The following GFRA1 variants were observed in gnomAD, a reference collection of about 807,000 sequenced individuals.
GFRA1 encodes the protein GDNF family receptor alpha 1.
Under a neutral mutation model 51.6 loss-of-function variants are expected in GFRA1, and 16 were observed. The observed-to-expected ratio is 0.31, with a 90% CI of 0.21 to 0.47. The LOEUF (loss-of-function observed/expected upper bound fraction) is 0.47, where lower values mean the gene tolerates loss of function less well. Among genes scored for constraint, GFRA1 ranks in the 20% least tolerant of loss-of-function variants. GFRA1 has a pLI of 1.00. For synonymous variants in GFRA1, 270 were observed against 241.3 expected, an observed-to-expected ratio of 1.12 and a Z score of -1.10; for missense variants, 530 against 594.3, an observed-to-expected ratio of 0.89 and a Z score of 1.13.
intron 6 of GFRA1, among the ~76,000 whole-genome samples, chr10:116,105,576 T>C (rs1956975523): frequency 6.6e-6 from 1 of 152,190 alleles, no homozygotes; most frequent in African/African-American, 2.4e-5. Context: ...TTGAAGTGCC[T>C]TCAGATGTAG....
intron 5 of GFRA1, among the ~76,000 whole-genome samples, chr10:116,151,211 T>C (rs1243663152): frequency 1.3e-5 from 2 of 152,210 alleles, no homozygotes; most frequent in Non-Finnish European, 2.9e-5. Context: ...GCATGCTTTC[T>C]GCTCCTAGGT....
At position 116,156,593 on chromosome 10, in the gene GFRA1, AC is replaced by A. The variant is rs1565615816; in HGVS notation, c.434-31037del. Among the ~76,000 whole-genome samples the A allele has an allele frequency of 3.3e-5, 5 of 152,346 alleles. No individual in the cohort carries two copies. The South Asian group carries it at 1.0e-3, about 32-fold the overall frequency. On this transcript the variant is annotated intron_variant, in intron 5 of 10. Transcript: ENST00000355422. ...TATCATATTCAGTGATAAAACAAAC[AC>A]CTCAATTCCAGGTTGTTTACAAAAT...
intron 8 of GFRA1, among the ~76,000 whole-genome samples, chr10:116,090,986 G>A (rs1256560387): frequency 6.6e-6 from 1 of 152,162 alleles, no homozygotes; most frequent in East Asian, 1.9e-4. Flanking sequence ...TAATATAAAT[G>A]CTTTTTATGC....
chr10:116,104,399 C>T (rs1056688468), intron 6 of GFRA1, among the ~76,000 whole-genome samples: 4 of 152,190 alleles, frequency 2.6e-5, no homozygotes, highest in East Asian at 3.9e-4. Context: ...CTCTTGGCTG[C>T]GAGGGTTCTC....
At chr10:116,167,222 C>A (rs776119825) in intron 5 of GFRA1, among the ~76,000 whole-genome samples, 1 of 152,180 alleles carries the variant, frequency 6.6e-6, no homozygotes, top group Non-Finnish European at 1.5e-5. Context: ...AATTTGCCAA[C>A]GGCTCCAAAA....
chr10:116,092,959 C>T (rs7070180), intron 8 of GFRA1, among the ~76,000 whole-genome samples: 43,681 of 152,006 alleles, frequency 0.29, 7,070 homozygotes, highest in East Asian at 0.72. Flanking sequence ...CTTTTGGAGT[C>T]TGATGAATGC....
At chr10:116,172,570 T>TG (rs1961140818) in intron 5 of GFRA1, among the ~76,000 whole-genome samples, 1 of 151,918 alleles carries the variant, frequency 6.6e-6, no homozygotes, top group Admixed American at 6.5e-5. Flanking sequence ...AAGAATGGGT[T>TG]GGGGGGCAGA....
At chr10:116,244,317 AAT>A (rs546142312) in intron 4 of GFRA1, among the ~76,000 whole-genome samples, 245 of 136,628 alleles carry the variant, frequency 1.8e-3, no homozygotes, top group African/African-American at 6.2e-3. Flanking sequence ...TATAATATAT[AAT>A]ATATAATTTT....
chr10:116,231,553 G>C (rs1966676481), intron 4 of GFRA1, among the ~76,000 whole-genome samples: 2 of 152,178 alleles, frequency 1.3e-5, no homozygotes, highest in South Asian at 2.1e-4. Context: ...ACCTATGTTA[G>C]GTAAATCCAA....
At chr10:116,087,042 C>G (rs975268203) in intron 9 of GFRA1, among the ~76,000 whole-genome samples, 4 of 152,160 alleles carry the variant, frequency 2.6e-5, no homozygotes, top group Admixed American at 6.5e-5. Flanking sequence ...GTCACAAACT[C>G]CTAATTTTAC....
At chr10:116,085,621 C>A (rs1429736875) in intron 9 of GFRA1, among the ~76,000 whole-genome samples, 3 of 152,164 alleles carry the variant, frequency 2.0e-5, no homozygotes, top group Non-Finnish European at 4.4e-5. Flanking sequence ...TCCGCCCAGG[C>A]AAGAATCCTA....
At chr10:116,104,072 T>G (rs1956917167) in intron 6 of GFRA1, among the ~76,000 whole-genome samples, 1 of 152,144 alleles carries the variant, frequency 6.6e-6, no homozygotes, top group Non-Finnish European at 1.5e-5. Context: ...ATGCCCCAGG[T>G]GCAGATGCGC....
In GFRA1 at chr10:116,064,360, G is replaced by C; in HGVS notation, c.*38C>G. The C allele has an allele frequency of 6.3e-7, 1 of 1,585,828 alleles. No homozygotes were observed. The highest frequency in any genetic ancestry group is 8.6e-7 in the Non-Finnish European group (1 of 1,157,746). ...ACAGGAAACAGATAACTTGGTTTTT[G>C]TCTTTTTACATGTCCATATTGTATT... is the stretch of plus-strand genomic sequence containing the variant. On this transcript the variant is annotated 3_prime_UTR_variant, in exon 11 of 11. Coordinates refer to ENST00000355422, the MANE Select transcript of GFRA1 (RefSeq NM_005264.8).
intron 6 of GFRA1, among the ~76,000 whole-genome samples, chr10:116,112,965 C>G (rs1347934203): frequency 6.6e-6 from 1 of 152,194 alleles, no homozygotes; most frequent in Admixed American, 6.5e-5. Flanking sequence ...ACAAGTCTTC[C>G]AGCCCAAGAT....
At chr10:116,240,688 C>T (rs1309888987) in intron 4 of GFRA1, among the ~76,000 whole-genome samples, 3 of 152,180 alleles carry the variant, frequency 2.0e-5, no homozygotes, top group Non-Finnish European at 2.9e-5. Context: ...CCCATTCACC[C>T]GCCCCTCAAC....
rs193168742 is a variant in GFRA1 at position 116,152,232 on chromosome 10, G to A, written c.434-26675C>T. On this transcript the variant is annotated intron_variant, in intron 5 of 10. Coordinates refer to ENST00000355422, the MANE Select transcript of GFRA1 (RefSeq NM_005264.8). ...TGGATGGGCATGATGATGTAAGATG[G>A]ACCAGAGAGGAAGCAGGAGCACCAG... is the stretch of plus-strand genomic sequence containing the variant. Among the ~76,000 whole-genome samples, 557 of 152,272 alleles carry A rather than the reference G, an allele frequency of 3.7e-3. 3 individuals are homozygous for A. Among genetic ancestry groups the A allele is most frequent in the South Asian group, 9.6e-3 (46 of 4,816 alleles).
At chr10:116,095,314 T>C (rs1956525670) in intron 7 of GFRA1, among the ~76,000 whole-genome samples, 1 of 152,250 alleles carries the variant, frequency 6.6e-6, no homozygotes, top group South Asian at 2.1e-4. Flanking sequence ...ATGTAGACAC[T>C]GTTAGCAGAT....
intron 6 of GFRA1, among the ~76,000 whole-genome samples, chr10:116,123,316 T>A (rs1173046143): frequency 6.6e-6 from 1 of 152,218 alleles, no homozygotes; most frequent in Admixed American, 6.5e-5. Context: ...CTGGAACACC[T>A]GTTTCTTCCC....
intron 4 of GFRA1, among the ~76,000 whole-genome samples, chr10:116,218,634 G>A (rs1360579165): frequency 1.3e-5 from 2 of 152,112 alleles, no homozygotes; most frequent in South Asian, 2.1e-4. Flanking sequence ...AGGCAACCGT[G>A]TAGCCACACG....
Sources: gnomAD v4.1 joint callset for allele counts (sites outside exome capture counted in the v4.1 genomes callset) on GRCh38, gnomAD v4.1.1 for gene constraint, MANE v1.5 for transcripts, NCBI Gene and HGNC (gene_info 2026-07-23, HGNC 2026-07-21) for gene names.